The following CRK variants were observed in gnomAD, a reference collection of about 807,000 sequenced individuals.
CRK encodes the protein adapter molecule crk.
In CRK, 4 loss-of-function variants were observed where a neutral mutation model predicts 29.8. The ratio of observed to expected loss-of-function variants is 0.13; its 90% CI spans 0.07 to 0.31. CRK has a LOEUF of 0.31. Ranked by LOEUF, CRK falls within the 10% of genes least tolerant of loss-of-function variation. CRK has a pLI of 1.00. For synonymous variants in CRK, 153 were observed against 164.9 expected, an observed-to-expected ratio of 0.93 and a Z score of 0.55; for missense variants, 274 against 396.5, an observed-to-expected ratio of 0.69 and a Z score of 2.62.
intron 1 of CRK, among the ~76,000 whole-genome samples, chr17:1,442,606 C>CTTTTTT (rs33970272): frequency 3.3e-5 from 4 of 121,112 alleles, no homozygotes; most frequent in East Asian, 2.3e-4. Flanking sequence ...GTGAAAGGGT[C>CTTTTTT]TTTTTTTTTT....
At chr17:1,445,369 C>G (rs1156835226) in intron 1 of CRK, among the ~76,000 whole-genome samples, 14 of 152,070 alleles carry the variant, frequency 9.2e-5, no homozygotes, top group Admixed American at 9.2e-4. Flanking sequence ...AGTGAACAGC[C>G]CAGACTCAGG....
intron 1 of CRK, among the ~76,000 whole-genome samples, chr17:1,442,767 T>C (rs1053017183): frequency 9.3e-5 from 14 of 151,298 alleles, no homozygotes; most frequent in Non-Finnish European, 5.9e-5. Context: ...CCACCATGCC[T>C]GGCTAATTTT....
chr17:1,427,481 T>C (rs1052067973), intron 2 of CRK, among the ~76,000 whole-genome samples: 9 of 151,686 alleles, frequency 5.9e-5, no homozygotes, highest in African/African-American at 1.7e-4. Flanking sequence ...TAGTCCCACC[T>C]ACTCGGGAGG....
Position 1,436,875 on chromosome 17 carries a change from G to A in CRK, c.522C>T (p.Asp174=). ...KPEEQWWNAE[D]SEGKRGMIPV... is the part of the protein sequence containing the mutation. ...GAATCATCCCTCTCTTGCCTTCGCT[G>A]TCCTCCGCATTCCACCACTGCTCTT... is the stretch of plus-strand genomic sequence containing the variant. The change falls in exon 2 of 3, where the codon GAC becomes GAT. Residue 174 remains aspartate (D), a synonymous_variant. Transcript: ENST00000300574. 2 of 1,612,498 alleles carry A rather than the reference G, an allele frequency of 1.2e-6. No homozygotes were observed. Among genetic ancestry groups the A allele is most frequent in the East Asian group, 2.2e-5 (1 of 44,860 alleles).
chr17:1,443,521 A>G (rs896727762), intron 1 of CRK, among the ~76,000 whole-genome samples: 4 of 151,840 alleles, frequency 2.6e-5, no homozygotes, highest in Admixed American at 1.3e-4. Context: ...TCAGCCTCCC[A>G]AGTAGCTGGG....
chr17:1,437,288 G>C (rs1482440644), intron 1 of CRK, 133 bp from the exon 2 acceptor site: 1 of 954,864 alleles, frequency 1.0e-6, no homozygotes, highest in Non-Finnish European at 1.5e-6. Flanking sequence ...CGGGGCTCAA[G>C]TGATCCTCTC....
rs781366758 is a variant in CRK, at chr17:1,430,532, A to ATT, written c.777+6086_777+6087dup. On this transcript the variant is annotated intron_variant, in intron 2 of 2. Transcript: ENST00000300574. ...CCACCACGTCCGGCTAATTTTTTGT[A>ATT]TTTTTTTTTTTTTTAGTAGAGATGG... Among the ~76,000 whole-genome samples the ATT allele has an allele frequency of 4.2e-4, 54 of 127,466 alleles. No individual in the cohort carries two copies. In the East Asian group the frequency reaches 6.1e-3, roughly 14 times the overall value. The allele number at this position is 127,466 out of a possible 152,430, so 83.6% of individuals were successfully genotyped here.
At chr17:1,430,400 A>G (rs1178859588) in intron 2 of CRK, among the ~76,000 whole-genome samples, 1 of 150,600 alleles carries the variant, frequency 6.6e-6, no homozygotes. Context: ...TCTGTCGCCC[A>G]GGCTGGAGTG....
At chr17:1,431,925 TC>T (rs987303283) in intron 2 of CRK, among the ~76,000 whole-genome samples, 3 of 152,136 alleles carry the variant, frequency 2.0e-5, no homozygotes, top group African/African-American at 4.8e-5. Context: ...ATTTCAAAAT[TC>T]AAGTTATAAA....
intron 1 of CRK, among the ~76,000 whole-genome samples, chr17:1,438,664 G>A (rs1298024524): frequency 6.6e-6 from 1 of 152,012 alleles, no homozygotes; most frequent in East Asian, 1.9e-4. Context: ...ATAACACACT[G>A]AGGATCCAGA....
At position 1,420,783 on chromosome 17, in the gene CRK, A is replaced by G. The variant is rs2073716065; in HGVS notation, c.*2730T>C. On this transcript the variant is annotated 3_prime_UTR_variant, in exon 3 of 3. Transcript: ENST00000300574. ...CATATACAATACATGCTACCAAAAA[A>G]AATTTTTTTTTAAATTTAACTGTCA... The G allele has an allele frequency of 6.6e-6, 1 of 152,178 alleles. No individual in the cohort carries two copies. The highest frequency in any genetic ancestry group is 2.1e-4 in the South Asian group (1 of 4,832). 9.4% of individuals were successfully genotyped at this position (152,178 alleles called of 1,614,324 possible). A position where few individuals can be genotyped will look rare whatever the true frequency, so the allele number is the denominator to read the frequency against.
intron 1 of CRK, among the ~76,000 whole-genome samples, chr17:1,452,112 T>C (rs1181731155): frequency 6.6e-6 from 1 of 151,886 alleles, no homozygotes; most frequent in Non-Finnish European, 1.5e-5. Context: ...GCTTTGAGAG[T>C]GTAGTGTAAA....
intron 1 of CRK, among the ~76,000 whole-genome samples, chr17:1,438,242 A>G (rs1240618428): frequency 6.6e-6 from 1 of 151,724 alleles, no homozygotes; most frequent in Non-Finnish European, 1.5e-5. Flanking sequence ...TAATCCTCCC[A>G]CTTCAGCCTC....
Position 1,437,162 on chromosome 17 carries a change from A to G in CRK, c.242-7T>C, listed in dbSNP as rs969370941. On this transcript the variant is annotated splice_region_variant and splice_polypyrimidine_tract_variant and intron_variant, in intron 1 of 2. Coordinates refer to ENST00000300574, the MANE Select transcript of CRK (RefSeq NM_016823.4). ...AGTCTGGAGGGGCTCACCCCTGGAA[A>G]AAACAGAGCAGGCTGTTATTTAATG... The G allele has an allele frequency of 6.3e-7, 1 of 1,581,396 alleles. No individual in the cohort carries two copies. The highest frequency in any genetic ancestry group is 8.6e-7 in the Non-Finnish European group (1 of 1,164,922).
chr17:1,455,805 G>A, intron 1 of CRK, 72 bp downstream of exon 1: 3 of 1,411,768 alleles, frequency 2.1e-6, no homozygotes, highest in African/African-American at 3.0e-5. Context: ...CGCTCTCGAG[G>A]ACCAGCCAGC....
chr17:1,427,073 G>A (rs866507984), intron 2 of CRK, among the ~76,000 whole-genome samples: 71 of 82,242 alleles, frequency 8.6e-4, no homozygotes, highest in South Asian at 2.3e-3. Context: ...AAAAAAAAAA[G>A]ATTCTGACAT....
intron 2 of CRK, among the ~76,000 whole-genome samples, chr17:1,434,585 C>T (rs2073873170): frequency 2.0e-5 from 3 of 152,048 alleles, no homozygotes; most frequent in Admixed American, 2.0e-4. Flanking sequence ...GAGTTTGAGA[C>T]CAGCCTGGCC....
intron 1 of CRK, among the ~76,000 whole-genome samples, chr17:1,441,320 A>G (rs923762826): frequency 1.3e-5 from 2 of 151,916 alleles, no homozygotes; most frequent in Non-Finnish European, 2.9e-5. Context: ...TAGTCTCCTG[A>G]GTACATGATT....
intron 2 of CRK, among the ~76,000 whole-genome samples, chr17:1,429,729 G>A (rs2073819785): frequency 6.6e-6 from 1 of 151,902 alleles, no homozygotes; most frequent in South Asian, 2.1e-4. Flanking sequence ...AGGAGTTCAA[G>A]ATCAGTCTAG....
Sources: allele counts gnomAD v4.1 joint callset (sites outside exome capture counted in the v4.1 genomes callset), GRCh38; gene constraint gnomAD v4.1.1; transcripts MANE v1.5; gene names NCBI Gene and HGNC (gene_info 2026-07-23, HGNC 2026-07-21).